The following DOCK9 variants were observed in gnomAD, a reference collection of about 807,000 sequenced individuals.
DOCK9 encodes dedicator of cytokinesis 9, also known as dedicator of cytokinesis protein 9.
A neutral mutation model predicts 263.3 loss-of-function variants in DOCK9; 89 were observed. The ratio of observed to expected loss-of-function variants is 0.34; its 90% CI spans 0.28 to 0.40. The LOEUF (loss-of-function observed/expected upper bound fraction) is 0.40. DOCK9 is among the 10% of genes least tolerant of loss of function. DOCK9 has a pLI of 1.00. For synonymous variants in DOCK9, 976 were observed against 973.1 expected, an observed-to-expected ratio of 1.00 and a Z score of -0.06; for missense variants, 2,140 against 2,603.4, an observed-to-expected ratio of 0.82 and a Z score of 3.87.
Position 99,048,701 on chromosome 13 carries a change from G to A in DOCK9, c.129+37522C>T, listed in dbSNP as rs540766993. 2.0e-5 allele frequency among the ~76,000 whole-genome samples: 3 copies of A among 152,260 alleles called. No homozygotes were observed. The South Asian group carries it at 6.2e-4, about 32-fold the overall frequency. ...TATGACAAATGGGGACAGCTCACAT[G>A]CAACACTCCCATCCTCACAGTGCCA... On this transcript the variant is annotated intron_variant, in intron 1 of 32. Transcript: ENST00000427887.
chr13:98,926,494 T>A (rs1198905067), intron 3 of DOCK9, among the ~76,000 whole-genome samples: 1 of 152,234 alleles, frequency 6.6e-6, no homozygotes, highest in Non-Finnish European at 1.5e-5. Flanking sequence ...ATGTTTAATG[T>A]AGTCTTCCAC....
chr13:98,965,143 A>G (rs1776533499), intron 1 of DOCK9, among the ~76,000 whole-genome samples: 1 of 152,172 alleles, frequency 6.6e-6, no homozygotes, highest in Non-Finnish European at 1.5e-5. Context: ...GGCCACAGTA[A>G]GAAGGGCCCT....
intron 1 of DOCK9, among the ~76,000 whole-genome samples, chr13:98,989,973 G>A (rs796700165): frequency 7.2e-5 from 11 of 152,308 alleles, no homozygotes; most frequent in African/African-American, 2.6e-4. Context: ...GTAATTGTGT[G>A]ATCACATATT....
chr13:99,047,748 C>T (rs1284534694), intron 1 of DOCK9, among the ~76,000 whole-genome samples: 1 of 152,032 alleles, frequency 6.6e-6, no homozygotes, highest in Non-Finnish European at 1.5e-5. Context: ...GTCTTGAACT[C>T]CTGACTTCAG....
intron 2 of DOCK9, among the ~76,000 whole-genome samples, chr13:98,937,706 TG>T (rs1489426022): frequency 9.8e-6 from 1 of 102,112 alleles, no homozygotes; most frequent in African/African-American, 3.4e-5. Context: ...GACAGTTTTT[TG>T]TTTTGCTTTT....
intron 6 of DOCK9, among the ~76,000 whole-genome samples, chr13:98,921,403 C>G (rs145693764): frequency 6.6e-6 from 1 of 152,332 alleles, no homozygotes; most frequent in East Asian, 1.9e-4. Context: ...CAGAAACTTT[C>G]TCTAAAATCC....
intron 1 of DOCK9, among the ~76,000 whole-genome samples, chr13:98,973,722 C>T (rs2059956828): frequency 6.6e-6 from 1 of 152,126 alleles, no homozygotes; most frequent in African/African-American, 2.4e-5. Flanking sequence ...CTCAGCCTCT[C>T]GAGAAGCTGG....
intron 1 of DOCK9, among the ~76,000 whole-genome samples, chr13:98,962,761 A>T (rs1259607741): frequency 2.0e-5 from 3 of 152,230 alleles, no homozygotes; most frequent in Non-Finnish European, 4.4e-5. Context: ...AGAAAACTGC[A>T]TCCAGACACT....
At chr13:98,804,463 A>G (rs950087065) in intron 49 of DOCK9, among the ~76,000 whole-genome samples, 4 of 152,222 alleles carry the variant, frequency 2.6e-5, no homozygotes, top group African/African-American at 7.2e-5. Flanking sequence ...ACTCGTGGAT[A>G]GCCACTGAAT....
At chr13:99,065,540 T>C (rs2041378369) in intron 1 of DOCK9, among the ~76,000 whole-genome samples, 1 of 152,172 alleles carries the variant, frequency 6.6e-6, no homozygotes, top group Admixed American at 6.5e-5. Flanking sequence ...CCTCCATACA[T>C]GACACCAGAC....
chr13:98,932,661 T>C (rs1338309493), intron 2 of DOCK9, among the ~76,000 whole-genome samples: 1 of 152,196 alleles, frequency 6.6e-6, no homozygotes, highest in Non-Finnish European at 1.5e-5. Context: ...ACAATTTATT[T>C]CCTGCCTGTA....
At chr13:98,938,512 G>A (rs2055278440) in intron 2 of DOCK9, among the ~76,000 whole-genome samples, 1 of 151,982 alleles carries the variant, frequency 6.6e-6, no homozygotes, top group African/African-American at 2.4e-5. Context: ...AACATAAAAG[G>A]CATCCAGAAA....
chr13:98,954,719 C>G (rs1160660129), intron 2 of DOCK9, among the ~76,000 whole-genome samples: 1 of 152,210 alleles, frequency 6.6e-6, no homozygotes, highest in Non-Finnish European at 1.5e-5. Flanking sequence ...ATGACGAAAT[C>G]TCCCACTGCT....
At chr13:98,944,646 T>G (rs1043349800) in intron 2 of DOCK9, among the ~76,000 whole-genome samples, 2 of 152,168 alleles carry the variant, frequency 1.3e-5, no homozygotes, top group African/African-American at 4.8e-5. Context: ...GGGACACAGC[T>G]GCCCACACAC....
At chr13:98,857,190 T>A (rs1026561068) in intron 33 of DOCK9, 7 of 152,248 alleles carry the variant, frequency 4.6e-5, no homozygotes, top group Admixed American at 2.0e-4. Flanking sequence ...TTGGACTCTG[T>A]GTCTGGCAGC....
chr13:99,055,486 G>A (rs1024373006), intron 1 of DOCK9, among the ~76,000 whole-genome samples: 6 of 152,130 alleles, frequency 3.9e-5, no homozygotes, highest in African/African-American at 7.2e-5. Flanking sequence ...AAAGCGAGCC[G>A]GTGCTTAACT....
At chr13:98,893,156 C>A (rs1407001175) in intron 15 of DOCK9, among the ~76,000 whole-genome samples, 4 of 152,246 alleles carry the variant, frequency 2.6e-5, no homozygotes, top group Admixed American at 6.5e-5. Flanking sequence ...AGTCAAGCAG[C>A]CCTACTTGGC....
chr13:98,831,777 G>C lies in DOCK9; in HGVS notation c.4324C>G (p.Leu1442Val). The C allele has an allele frequency of 6.2e-7, 1 of 1,613,796 alleles. No homozygotes were observed. Among genetic ancestry groups the C allele is most frequent in the Non-Finnish European group, 8.5e-7 (1 of 1,179,826 alleles). Residue 1442 changes from leucine (L) to valine (V), a missense_variant, in exon 40 of 53, where the codon CTG (leucine) becomes GTG (valine). Coordinates refer to ENST00000682017, the MANE Select transcript of DOCK9 (RefSeq NM_001366683.2). ...AGAGGATTATGTCCATGGTCGGCCA[G>C]GAGCTGGTTCTTAAAACACACATTG... ...LFTLAFKNQL[L>V]ADHGHNPLMK...
chr13:99,079,714 A>G (rs576470632), intron 1 of DOCK9, among the ~76,000 whole-genome samples: 27 of 152,288 alleles, frequency 1.8e-4, no homozygotes, highest in East Asian at 1.7e-3. Context: ...CCCAGGTCCA[A>G]CTGGTTTCTT....
Sources: gnomAD v4.1 joint callset for allele counts (sites outside exome capture counted in the v4.1 genomes callset) on GRCh38, gnomAD v4.1.1 for gene constraint, MANE v1.5 for transcripts, NCBI Gene and HGNC (gene_info 2026-07-23, HGNC 2026-07-21) for gene names.